PCDHAC2: variants seen among roughly 807,000 people sequenced by gnomAD.
PCDHAC2 encodes protocadherin alpha-C2.
PCDHAC2 carries 24 observed loss-of-function variants against 63.3 expected under a neutral mutation model. That is an observed-to-expected ratio of 0.38 (90% CI 0.27 to 0.53). PCDHAC2 has a LOEUF of 0.53. Among genes scored for constraint, PCDHAC2 ranks in the 20% least tolerant of loss-of-function variants. The probability of loss-of-function intolerance (pLI) is 0.81; values close to 1 mark genes in which losing one functional copy is unlikely to be tolerated. For synonymous variants in PCDHAC2, 569 were observed against 529.4 expected, an observed-to-expected ratio of 1.07 and a Z score of -1.03; for missense variants, 1,181 against 1,275.2, an observed-to-expected ratio of 0.93 and a Z score of 1.12.
intron 3 of PCDHAC2, among the ~76,000 whole-genome samples, chr5:140,987,781 A>G (rs2097267961): frequency 6.6e-6 from 1 of 152,208 alleles, no homozygotes; most frequent in East Asian, 1.9e-4. Context: ...AGAATCTGCT[A>G]TAGAGAAGAT....
rs2096270570 is a variant in PCDHAC2 at position 140,968,791 on chromosome 5, C to G, written c.2025C>G (p.Ala675=). ...AGCCATCACTATCAGCCTCTGTGGC[C>G]ATTACAGTAGCTGTGGTGGATAGGG... is the stretch of plus-strand genomic sequence containing the variant. ...NGEPSLSASV[A]ITVAVVDRVS... The change falls in exon 1 of 4, where the codon GCC becomes GCG. Residue 675 remains alanine (A), a synonymous_variant. Coordinates refer to ENST00000289269, the MANE Select transcript of PCDHAC2 (RefSeq NM_018899.6). 4 of 1,614,076 alleles carry G rather than the reference C, an allele frequency of 2.5e-6. No individual in the cohort carries two copies. Among genetic ancestry groups the G allele is most frequent in the Non-Finnish European group, 3.4e-6 (4 of 1,180,040 alleles).
In PCDHAC2 at chr5:141,011,598, G is replaced by A. The variant is rs530366689; in HGVS notation, c.*1661G>A. ...TTAAATCAAGATACTGGTGATTCAA[G>A]GAATTTTATTTATGGTCCAGCCAAG... On this transcript the variant is annotated 3_prime_UTR_variant, in exon 4 of 4. Transcript: ENST00000289269. 6.5e-6 allele frequency: 1 copy of A among 153,736 alleles called. No homozygotes were observed. Among genetic ancestry groups the A allele is most frequent in the Non-Finnish European group, 1.5e-5 (1 of 68,012 alleles). The allele number at this position is 153,736 out of a possible 1,614,324, so 9.5% of individuals were successfully genotyped here.
rs572947059 is a variant in PCDHAC2 at position 141,007,735 on chromosome 5, A to G, written c.2714-1892A>G. Reference sequence around the variant, plus strand: ...CCACCAGGGAGAACAAAGGTTAACCACTGAAGATAACTTTGGACTCTTATT... The same window carrying G: ...CCACCAGGGAGAACAAAGGTTAACCGCTGAAGATAACTTTGGACTCTTATT... On this transcript the variant is annotated intron_variant, in intron 3 of 3. Coordinates refer to ENST00000289269, the MANE Select transcript of PCDHAC2 (RefSeq NM_018899.6). Among the ~76,000 whole-genome samples, 58 of 152,336 alleles carry G rather than the reference A, an allele frequency of 3.8e-4. 1 individual carries two copies. Among genetic ancestry groups the G allele is most frequent in the South Asian group, 2.9e-3 (14 of 4,824 alleles).
intron 3 of PCDHAC2, among the ~76,000 whole-genome samples, chr5:141,005,899 A>G (rs2098245270): frequency 6.6e-6 from 1 of 151,978 alleles, no homozygotes; most frequent in East Asian, 1.9e-4. Flanking sequence ...TCAAGCAATG[A>G]TTGCACCACT....
chr5:140,985,650 A>G (rs2097162504), intron 3 of PCDHAC2, among the ~76,000 whole-genome samples: 2 of 151,684 alleles, frequency 1.3e-5, no homozygotes, highest in South Asian at 4.2e-4. Context: ...AACACTTGCA[A>G]TGGCTGAATA....
At chr5:140,992,918 A>C (rs1362238628) in intron 3 of PCDHAC2, among the ~76,000 whole-genome samples, 2 of 152,186 alleles carry the variant, frequency 1.3e-5, no homozygotes, top group Non-Finnish European at 2.9e-5. Context: ...GGCCCTCTCC[A>C]TACTTACAGC....
chr5:141,000,379 CTCTCTCTCTCTCTCTCTA>C (rs1224441934), intron 3 of PCDHAC2, among the ~76,000 whole-genome samples: 4 of 60,364 alleles, frequency 6.6e-5, no homozygotes, highest in Non-Finnish European at 9.2e-5. Flanking sequence ...CTCTCTCTCT[CTCTCTCTCTCTCTCTCTA>C]TATATATATA....
chr5:140,995,861 A>G (rs2097700846), intron 3 of PCDHAC2, among the ~76,000 whole-genome samples: 1 of 152,220 alleles, frequency 6.6e-6, no homozygotes. Context: ...GTATCACTTA[A>G]TAATTGTGCA....
At chr5:141,000,854 G>A (rs2097968530) in intron 3 of PCDHAC2, among the ~76,000 whole-genome samples, 1 of 152,010 alleles carries the variant, frequency 6.6e-6, no homozygotes, top group Non-Finnish European at 1.5e-5. Flanking sequence ...CTGGCAGTCA[G>A]CCATGACCTC....
At chr5:141,002,923 C>A (rs1261794185) in intron 3 of PCDHAC2, among the ~76,000 whole-genome samples, 2 of 152,220 alleles carry the variant, frequency 1.3e-5, no homozygotes, top group Non-Finnish European at 2.9e-5. Flanking sequence ...AAAGTGAACA[C>A]CCTCCAACAC....
chr5:140,995,794 CAT>C (rs1407600046), intron 3 of PCDHAC2, among the ~76,000 whole-genome samples: 65 of 152,208 alleles, frequency 4.3e-4, no homozygotes, highest in African/African-American at 1.5e-3. Flanking sequence ...AAATTTGTCT[CAT>C]GTTAGTTTCT....
At chr5:140,992,954 C>T (rs1174073844) in intron 3 of PCDHAC2, among the ~76,000 whole-genome samples, 4 of 152,190 alleles carry the variant, frequency 2.6e-5, no homozygotes, top group Non-Finnish European at 5.9e-5. Context: ...TTAAATCACC[C>T]CTTATACTGC....
chr5:140,998,017 C>T (rs555584429), intron 3 of PCDHAC2, among the ~76,000 whole-genome samples: 67 of 152,292 alleles, frequency 4.4e-4, no homozygotes, highest in African/African-American at 1.4e-3. Context: ...ATCCCCACCT[C>T]GAGCTAGTGC....
chr5:140,980,878 G>A (rs528577692), intron 2 of PCDHAC2, among the ~76,000 whole-genome samples: 6 of 152,118 alleles, frequency 3.9e-5, no homozygotes, highest in East Asian at 1.9e-4. Context: ...GGGTGTTCTC[G>A]GTCTTTCCAG....
intron 3 of PCDHAC2, among the ~76,000 whole-genome samples, chr5:140,985,903 C>G (rs1554247500): frequency 6.6e-6 from 1 of 151,964 alleles, no homozygotes; most frequent in Non-Finnish European, 1.5e-5. Context: ...CCACTCCCGT[C>G]TAATTTTTTG....
intron 3 of PCDHAC2, among the ~76,000 whole-genome samples, chr5:141,000,006 C>T (rs1453937377): frequency 1.3e-5 from 2 of 151,992 alleles, no homozygotes; most frequent in Admixed American, 1.3e-4. Context: ...TTAGATTGGC[C>T]TCCCCATTGC....
chr5:140,988,866 C>T (rs1364853349), intron 3 of PCDHAC2: 2 of 152,170 alleles, frequency 1.3e-5, no homozygotes, highest in Non-Finnish European at 2.9e-5. Context: ...CTCATGTGCA[C>T]TCAGATGTAC....
chr5:140,993,270 G>A (rs190721014), intron 3 of PCDHAC2, among the ~76,000 whole-genome samples: 360 of 151,912 alleles, frequency 2.4e-3, no homozygotes, highest in African/African-American at 8.3e-3. Context: ...AGCTTCTTTG[G>A]TCTTTTCTTG....
Position 140,982,562 on chromosome 5 carries a change from A to C in PCDHAC2, c.2712A>C (p.Pro904=). ...QQWPTVSSAT[P]EPEAGEVSPP... ...GGCCAACAGTATCCAGTGCAACACCAGGTAAAGAGCTGGGGTCTCTCCATT... is the reference window on the plus strand; with the variant it reads ...GGCCAACAGTATCCAGTGCAACACCCGGTAAAGAGCTGGGGTCTCTCCATT... Residue 904 remains proline, a splice_region_variant and synonymous_variant, in exon 3 of 4, where the codon CCA becomes CCC. Coordinates refer to ENST00000289269, the MANE Select transcript of PCDHAC2 (RefSeq NM_018899.6). 3 of 1,614,062 alleles carry C rather than the reference A, an allele frequency of 1.9e-6. No individual in the cohort carries two copies. The highest frequency in any genetic ancestry group is 2.5e-6 in the Non-Finnish European group (3 of 1,179,936).
Sources: gnomAD v4.1 joint callset for allele counts (sites outside exome capture counted in the v4.1 genomes callset) on GRCh38, gnomAD v4.1.1 for gene constraint, MANE v1.5 for transcripts, NCBI Gene and HGNC (gene_info 2026-07-23, HGNC 2026-07-21) for gene names.